The following ST7 variants were observed in gnomAD, a reference collection of about 807,000 sequenced individuals.
ST7 encodes suppression of tumorigenicity 7.
Under a neutral mutation model 78.7 loss-of-function variants are expected in ST7, and 28 were observed. The observed-to-expected ratio is 0.36, with a 90% confidence interval of 0.26 to 0.49. The LOEUF (loss-of-function observed/expected upper bound fraction) is 0.49. Among genes scored for constraint, ST7 ranks in the 20% least tolerant of loss-of-function variants. The pLI is 0.99. For synonymous variants in ST7, 247 were observed against 249.6 expected, an observed-to-expected ratio of 0.99 and a Z score of 0.10; for missense variants, 418 against 696.0, an observed-to-expected ratio of 0.60 and a Z score of 4.49.
intron 2 of ST7, among the ~76,000 whole-genome samples, chr7:117,104,500 G>C (rs1801808049): frequency 6.6e-6 from 1 of 152,100 alleles, no homozygotes; most frequent in Non-Finnish European, 1.5e-5. Flanking sequence ...TGGAGAAAGG[G>C]GTACTCTTGT....
intron 13 of ST7, among the ~76,000 whole-genome samples, chr7:117,214,911 TG>T (rs1320321184): frequency 1.1e-3 from 3 of 2,624 alleles, no homozygotes; most frequent in African/African-American, 0.013. Flanking sequence ...GAAGAACATT[TG>T]TGTGTGTGTG....
At chr7:117,077,416 A>T (rs1372338590) in intron 1 of ST7, among the ~76,000 whole-genome samples, 1 of 152,172 alleles carries the variant, frequency 6.6e-6, no homozygotes, top group Non-Finnish European at 1.5e-5. Flanking sequence ...ATTCTCAGTG[A>T]TTTATAAATA....
intron 9 of ST7, among the ~76,000 whole-genome samples, chr7:117,148,623 T>G (rs965605109): frequency 5.9e-5 from 9 of 152,230 alleles, no homozygotes; most frequent in African/African-American, 1.7e-4. Flanking sequence ...TTCTGTTTTA[T>G]TCTTCTGATA....
chr7:117,156,584 A>G (rs57238791), intron 9 of ST7, among the ~76,000 whole-genome samples: 18,481 of 152,148 alleles, frequency 0.12, 2,041 homozygotes, highest in African/African-American at 0.29. Context: ...GAATAGGATC[A>G]TGTATGTGGA....
chr7:117,131,801 C>T, intron 5 of ST7, 84 bp from the exon 6 acceptor site: 1 of 1,211,100 alleles, frequency 8.3e-7, no homozygotes, highest in South Asian at 1.3e-5. Flanking sequence ...TAAGCTGACA[C>T]TCCTAATTTA....
intron 1 of ST7, 64 bp downstream of exon 1, chr7:116,953,755 T>TCGCGCGGGGCCGCGGCCAGGCGCG (rs1792269651): frequency 9.2e-6 from 11 of 1,194,148 alleles, no homozygotes; most frequent in African/African-American, 1.7e-5. Context: ...TTAGTGCAAC[T>TCGCGCGGGGCCGCGGCCAGGCGCG]CGCGCGGGGC....
intron 1 of ST7, among the ~76,000 whole-genome samples, chr7:117,083,347 C>T (rs1383916466): frequency 6.6e-6 from 1 of 152,168 alleles, no homozygotes; most frequent in Non-Finnish European, 1.5e-5. Flanking sequence ...CTGCAACCTC[C>T]GCCTCTCTGG....
chr7:117,088,454 C>T (rs543733318), intron 1 of ST7, among the ~76,000 whole-genome samples: 6 of 152,156 alleles, frequency 3.9e-5, no homozygotes, highest in African/African-American at 1.2e-4. Flanking sequence ...GATGTTATTC[C>T]GTTATACTTG....
rs764308329 is a variant in ST7 at position 116,966,300 on chromosome 7, G to A, written c.151+12609G>A. Among the ~76,000 whole-genome samples, 2 of 147,164 alleles carry A rather than the reference G, an allele frequency of 1.4e-5. 1 individual carries two copies. The highest frequency in any genetic ancestry group is 4.3e-4 in the South Asian group (2 of 4,630). On this transcript the variant is annotated intron_variant, in intron 1 of 15. Transcript: ENST00000323984. ...GAGTCTTCCTCTGTCACCAGGGCTGGAGTGCAGTGGCATGATCTTGGCTCA... is the reference window on the plus strand; with the variant it reads ...GAGTCTTCCTCTGTCACCAGGGCTGAAGTGCAGTGGCATGATCTTGGCTCA...
intron 2 of ST7, among the ~76,000 whole-genome samples, chr7:117,102,364 G>A (rs1801626390): frequency 6.6e-6 from 1 of 152,156 alleles, no homozygotes; most frequent in African/African-American, 2.4e-5. Context: ...ATGGGAAATA[G>A]TAAAAATATT....
chr7:117,009,085 C>T (rs1313026291), intron 1 of ST7, among the ~76,000 whole-genome samples: 1 of 152,070 alleles, frequency 6.6e-6, no homozygotes, highest in African/African-American at 2.4e-5. Context: ...AAAATCTAAA[C>T]TGTTTACTAT....
chr7:117,117,208 A>G (rs1176886543), intron 2 of ST7, among the ~76,000 whole-genome samples: 1 of 152,166 alleles, frequency 6.6e-6, no homozygotes, highest in Non-Finnish European at 1.5e-5. Context: ...GGTCCTTTTT[A>G]GCGCTGACAC....
intron 1 of ST7, among the ~76,000 whole-genome samples, chr7:117,003,442 C>T (rs1056926239): frequency 2.6e-5 from 4 of 151,852 alleles, no homozygotes; most frequent in East Asian, 1.9e-4. Flanking sequence ...GGACTACAGG[C>T]GCACACCACC....
At chr7:116,953,896 A>ACGGCCCCGCGGAGGAAGAG (rs1288812970) in intron 1 of ST7, 1 of 157,260 alleles carries the variant, frequency 6.4e-6, no homozygotes. Context: ...GGTGGCCTTC[A>ACGGCCCCGCGGAGGAAGAG]CGGCCCCGCG....
At chr7:117,138,942 G>A (rs779012063) in intron 9 of ST7, among the ~76,000 whole-genome samples, 8 of 152,104 alleles carry the variant, frequency 5.3e-5, no homozygotes, top group Non-Finnish European at 7.4e-5. Context: ...TTTTTTTTCT[G>A]TGTAGTTGTT....
chr7:117,153,907 AC>A (rs1262252891), intron 9 of ST7, among the ~76,000 whole-genome samples: 4 of 152,174 alleles, frequency 2.6e-5, no homozygotes, highest in Non-Finnish European at 5.9e-5. Flanking sequence ...GCAGTAGAAG[AC>A]CTGAGCATGT....
At chr7:117,141,451 C>T (rs920916184) in intron 9 of ST7, among the ~76,000 whole-genome samples, 14 of 152,290 alleles carry the variant, frequency 9.2e-5, no homozygotes, top group Admixed American at 1.3e-4. Context: ...GAGGTAAACA[C>T]GTCGACTCCT....
intron 15 of ST7, among the ~76,000 whole-genome samples, chr7:117,227,619 G>A (rs941224502): frequency 6.6e-6 from 1 of 152,142 alleles, no homozygotes; most frequent in Non-Finnish European, 1.5e-5. Flanking sequence ...ATCATGTTGG[G>A]TGAATGCAAT....
At chr7:117,107,090 T>C (rs1006035508) in intron 2 of ST7, among the ~76,000 whole-genome samples, 1 of 152,186 alleles carries the variant, frequency 6.6e-6, no homozygotes, top group Non-Finnish European at 1.5e-5. Context: ...GGTGGAGTAG[T>C]ATTCCATGGT....
Sources: allele counts gnomAD v4.1 joint callset (sites outside exome capture counted in the v4.1 genomes callset), GRCh38; gene constraint gnomAD v4.1.1; transcripts MANE v1.5; gene names NCBI Gene and HGNC (gene_info 2026-07-23, HGNC 2026-07-21).